The following INTS14 variants were observed in gnomAD, a reference collection of about 807,000 sequenced individuals.
INTS14 encodes integrator complex subunit 14.
A neutral mutation model predicts 56.9 loss-of-function variants in INTS14; 27 were observed. That is an observed-to-expected ratio of 0.47 (90% CI 0.35 to 0.65). INTS14 has a LOEUF of 0.65. INTS14 is among the 30% of genes least tolerant of loss of function. The probability of loss-of-function intolerance (pLI) is 0.00; values close to 1 mark genes in which losing one functional copy is unlikely to be tolerated. For missense variants in INTS14, 517 were observed against 632.2 expected (o/e 0.82, Z 1.95); for synonymous variants, 207 against 236.2 (o/e 0.88, Z 1.13).
At chr15:65,600,803 C>T (rs753899666) in intron 3 of INTS14, among the ~76,000 whole-genome samples, 1 of 152,112 alleles carries the variant, frequency 6.6e-6, no homozygotes, top group Non-Finnish European at 1.5e-5. Flanking sequence ...GAACTGTATA[C>T]TTAAGATCAA....
chr15:65,592,640 C>T (rs981297523), intron 8 of INTS14, among the ~76,000 whole-genome samples: 2 of 152,148 alleles, frequency 1.3e-5, no homozygotes, highest in Non-Finnish European at 2.9e-5. Flanking sequence ...AATGCTGATA[C>T]CTCCCATATA....
In INTS14 at chr15:65,579,629, C is replaced by G; in HGVS notation, c.1336G>C (p.Ala446Pro). 6.2e-7 allele frequency: 1 copy of G among 1,613,994 alleles called. No homozygotes were observed. The highest frequency in any genetic ancestry group is 8.5e-7 in the Non-Finnish European group (1 of 1,179,886). ...TTCAGCAGGTCCAGGAAACCAAAGGCTAGAGCGGCCTTTCGCAAACGGTTC... is the reference window on the plus strand; with the variant it reads ...TTCAGCAGGTCCAGGAAACCAAAGGGTAGAGCGGCCTTTCGCAAACGGTTC... ...ELNRLRKAAL[A>P]FGFLDLLKGV... The change falls in exon 12 of 12, where the codon GCC becomes CCC. Residue 446 changes from alanine (A) to proline (P), a missense_variant. Physicochemically the swap from Ala to Pro is conservative, Grantham distance 27. Transcript: ENST00000313182.
At chr15:65,587,288 T>C (rs1414523232) in intron 9 of INTS14, among the ~76,000 whole-genome samples, 2 of 151,902 alleles carry the variant, frequency 1.3e-5, no homozygotes, top group Non-Finnish European at 2.9e-5. Context: ...ACAACACCTA[T>C]GCAACAGGTC....
intron 4 of INTS14, chr15:65,599,478 A>T (rs1255564949): frequency 1.3e-5 from 3 of 226,860 alleles, no homozygotes; most frequent in Non-Finnish European, 2.6e-5. Flanking sequence ...TGGAATGGAC[A>T]TAAGAATTCT....
In INTS14 at chr15:65,599,800, T is replaced by A; in HGVS notation, c.460A>T (p.Ile154Phe). ...LPFPFPSKLY[I>F]MCMANLEELQ... ...TCCTCCAAATTCGCCATGCACATGA[T>A]ATATAACTTAGATGGGAAAGGAAAA... is the stretch of plus-strand genomic sequence containing the variant. The change falls in exon 4 of 12, where the codon ATC (isoleucine) becomes TTC (phenylalanine). Residue 154 changes from isoleucine to phenylalanine, a missense_variant. Transcript: ENST00000313182. 6.2e-7 allele frequency: 1 copy of A among 1,614,134 alleles called. No homozygotes were observed. Among genetic ancestry groups the A allele is most frequent in the East Asian group, 2.2e-5 (1 of 44,888 alleles).
chr15:65,581,743 A>G (rs2072628537), intron 11 of INTS14, among the ~76,000 whole-genome samples: 2 of 151,662 alleles, frequency 1.3e-5, no homozygotes, highest in Non-Finnish European at 2.9e-5. Flanking sequence ...ACACAGAAAA[A>G]CCTTCTGCCT....
At position 65,579,107 on chromosome 15, in the gene INTS14, G is replaced by C; in HGVS notation, c.*301C>G. On this transcript the variant is annotated 3_prime_UTR_variant, in exon 12 of 12. Coordinates refer to ENST00000313182, the MANE Select transcript of INTS14 (RefSeq NM_001394796.1). ...CCTGCCGGTCAGGTTTCCTGAGGAA[G>C]GCAGGGGTGCTCTATGCTCATCAGT... 3.9e-6 allele frequency: 1 copy of C among 253,744 alleles called. No individual in the cohort carries two copies. Among genetic ancestry groups the C allele is most frequent in the Non-Finnish European group, 7.5e-6 (1 of 133,262 alleles). 15.7% of individuals were successfully genotyped at this position (253,744 alleles called of 1,614,324 possible). A position where few individuals can be genotyped will look rare whatever the true frequency, so the allele number is the denominator to read the frequency against.
chr15:65,581,145 C>T (rs775591158), intron 11 of INTS14, among the ~76,000 whole-genome samples: 28 of 152,092 alleles, frequency 1.8e-4, no homozygotes, highest in Middle Eastern at 3.4e-3. Flanking sequence ...TTTGGGAGGC[C>T]GAGGCGAGCG....
chr15:65,593,731 T>G (rs1566924516), intron 7 of INTS14, among the ~76,000 whole-genome samples, 159 bp from the exon 8 acceptor site: 1 of 152,098 alleles, frequency 6.6e-6, no homozygotes, highest in Admixed American at 6.5e-5. Context: ...TTCCAATATC[T>G]ACATAAAAGT....
At chr15:65,579,712 A>G (rs2072517704) in intron 11 of INTS14, 53 bp from the exon 12 acceptor site, 1 of 1,573,880 alleles carries the variant, frequency 6.4e-7, no homozygotes, top group Non-Finnish European at 8.7e-7. Context: ...CCTAACACAT[A>G]CTTTCTAAGT....
rs1332498150 is a variant in INTS14, at chr15:65,609,084, T to G, written c.-62-1642A>C. ...ACAGGCGCGTGTCACCACACTCGGC[T>G]AATTTTTGTATTTTTAGTAGAGATG... On this transcript the variant is annotated intron_variant, in intron 1 of 11. Coordinates refer to ENST00000313182, the MANE Select transcript of INTS14 (RefSeq NM_001394796.1). Among the ~76,000 whole-genome samples the G allele has an allele frequency of 3.3e-5, 5 of 152,264 alleles. No individual in the cohort carries two copies. In the East Asian group the frequency reaches 9.7e-4, roughly 29 times the overall value.
At chr15:65,611,033 C>T (rs925939158) in intron 1 of INTS14, 65 bp downstream of exon 1, 2 of 1,534,648 alleles carry the variant, frequency 1.3e-6, no homozygotes, top group Non-Finnish European at 1.7e-6. Flanking sequence ...TCACCCATAA[C>T]CCCTTCACCT....
At chr15:65,592,038 T>G (rs533093635) in intron 8 of INTS14, among the ~76,000 whole-genome samples, 1 of 152,208 alleles carries the variant, frequency 6.6e-6, no homozygotes, top group South Asian at 2.1e-4. Flanking sequence ...TGAGGAGGGG[T>G]AAAGGCTGTG....
chr15:65,599,230 C>T (rs1290166858), intron 4 of INTS14: 3 of 379,436 alleles, frequency 7.9e-6, no homozygotes, highest in Non-Finnish European at 1.4e-5. Context: ...CAAAGATTCT[C>T]AGAGGTGACC....
intron 3 of INTS14, among the ~76,000 whole-genome samples, chr15:65,602,934 A>C (rs941921649): frequency 6.6e-6 from 1 of 152,182 alleles, no homozygotes; most frequent in Non-Finnish European, 1.5e-5. Context: ...GAAAATCATA[A>C]AAGTCAGAAG....
intron 5 of INTS14, 182 bp downstream of exon 5, chr15:65,598,690 T>C: frequency 1.4e-6 from 1 of 692,522 alleles, no homozygotes; most frequent in Non-Finnish European, 2.4e-6. Flanking sequence ...GAAGTCAGTA[T>C]CTACAGACAG....
At chr15:65,607,584 G>C in intron 1 of INTS14, 142 bp from the exon 2 acceptor site, 1 of 928,792 alleles carries the variant, frequency 1.1e-6, no homozygotes, top group Non-Finnish European at 1.6e-6. Context: ...AACTCAGTGA[G>C]AGGGAAGTGA....
chr15:65,593,680 T>C (rs2073111209), intron 7 of INTS14, 108 bp from the exon 8 acceptor site: 1 of 1,279,366 alleles, frequency 7.8e-7, no homozygotes, highest in East Asian at 2.6e-5. Flanking sequence ...TGTAGAGTTC[T>C]AAGGGAATAT....
At chr15:65,610,645 G>C in intron 1 of INTS14, 1 of 1,523,666 alleles carries the variant, frequency 6.6e-7, no homozygotes, top group South Asian at 1.2e-5. Context: ...CAGCAGTCTC[G>C]CTCTCAAAGC....
Sources: allele counts gnomAD v4.1 joint callset (sites outside exome capture counted in the v4.1 genomes callset), GRCh38; gene constraint gnomAD v4.1.1; transcripts MANE v1.5; gene names NCBI Gene and HGNC (gene_info 2026-07-23, HGNC 2026-07-21).